The following ANO7 variants were observed in gnomAD, a reference collection of about 807,000 sequenced individuals.
ANO7 encodes the protein anoctamin 7, also known as anoctamin-7.
Under a neutral mutation model 115.8 loss-of-function variants are expected in ANO7, and 114 were observed. The ratio of observed to expected loss-of-function variants is 0.98; its 90% CI spans 0.85 to 1.15. The LOEUF (loss-of-function observed/expected upper bound fraction) is 1.15, where lower values mean the gene tolerates loss of function less well. ANO7 is among the 50% of genes most tolerant of loss of function. The probability of loss-of-function intolerance (pLI) is 0.00; values close to 1 mark genes in which losing one functional copy is unlikely to be tolerated. For missense variants in ANO7, 1,302 were observed against 1,201.2 expected (o/e 1.08, Z -1.24); for synonymous variants, 550 against 498.2 (o/e 1.10, Z -1.38).
downstream of ANO7, chr2:241,230,142 C>A: frequency 5.0e-6 from 8 of 1,607,056 alleles, no homozygotes; most frequent in Non-Finnish European, 6.8e-6. The surrounding 1 kb of genome is among the most constrained non-coding windows in gnomAD (Gnocchi z 5.0). Flanking sequence ...CCAAGGCCCA[C>A]AGAGACTCAC....
chr2:241,193,262 G>A (rs2068246792), intron 3 of ANO7, among the ~76,000 whole-genome samples: 1 of 152,036 alleles, frequency 6.6e-6, no homozygotes, highest in Non-Finnish European at 1.5e-5. Context: ...TAGAGACGGG[G>A]TTTCGCCATG....
Position 241,188,853 on chromosome 2 carries a change from G to T in ANO7, c.-8+87G>T. 1 of 1,510,838 alleles carries T rather than the reference G, an allele frequency of 6.6e-7. No individual in the cohort carries two copies. 93.6% of individuals were successfully genotyped at this position (1,510,838 alleles called of 1,614,324 possible). ...GGCAGGGCGGCACCCCAGCCCACCG[G>T]GACTTTCACACACCCTGGCCTGTGG... On this transcript the variant is annotated intron_variant, in intron 1 of 24. Coordinates refer to ENST00000674324, the MANE Select transcript of ANO7 (RefSeq NM_001370694.2). The surrounding 1 kb of genome is among the most constrained non-coding windows in gnomAD (Gnocchi z 4.3).
downstream of ANO7, among the ~76,000 whole-genome samples, chr2:241,226,581 C>A (rs1319788236): frequency 6.6e-6 from 1 of 152,114 alleles, no homozygotes; most frequent in Non-Finnish European, 1.5e-5. Flanking sequence ...CCCGCCACCA[C>A]ACCCAGCTAA....
rs954081997 is a variant in ANO7 at position 241,208,925 on chromosome 2, G to A, written c.1078-360G>A. ...AGCACTTTGGGAGGCCAAGGCGGGT[G>A]GATCACAAGGTCAGAAGATCGAGAC... is the stretch of plus-strand genomic sequence containing the variant. On this transcript the variant is annotated intron_variant, in intron 11 of 24. Coordinates refer to ENST00000674324, the MANE Select transcript of ANO7 (RefSeq NM_001370694.2). Among the ~76,000 whole-genome samples, 34 of 152,172 alleles carry A rather than the reference G, an allele frequency of 2.2e-4. 1 individual carries two copies. The highest frequency in any genetic ancestry group is 1.2e-3 in the Admixed American group (19 of 15,294).
At chr2:241,216,015 A>T in intron 18 of ANO7, 78 bp from the exon 19 acceptor site, 2 of 1,505,262 alleles carry the variant, frequency 1.3e-6, no homozygotes, top group Non-Finnish European at 8.9e-7. Context: ...TGTCCCGGCC[A>T]CATCTCCCCC....
downstream of ANO7, chr2:241,229,429 T>G: frequency 1.7e-6 from 1 of 574,774 alleles, no homozygotes; most frequent in Non-Finnish European, 3.1e-6. Context: ...CGGCCAGGCC[T>G]GGAGGAGCGG....
intron 18 of ANO7, 150 bp downstream of exon 18, chr2:241,215,052 C>T (rs534863136): frequency 2.2e-5 from 16 of 736,584 alleles, no homozygotes; most frequent in East Asian, 5.7e-5. Flanking sequence ...TGTGCCCGGC[C>T]GTCTGCCCCG....
chr2:241,200,289 G>C, intron 6 of ANO7, 64 bp downstream of exon 6: 4 of 1,566,856 alleles, frequency 2.6e-6, no homozygotes. Context: ...GTGAATGAGT[G>C]AGCGGAACTT....
At chr2:241,207,910 A>AC (rs974873120) in intron 11 of ANO7, among the ~76,000 whole-genome samples, 9 of 151,922 alleles carry the variant, frequency 5.9e-5, no homozygotes, top group Non-Finnish European at 8.8e-5. Flanking sequence ...ACTTGAGGAC[A>AC]CCCCACACCA....
chr2:241,231,915 C>G, the ANO7 span, among the ~76,000 whole-genome samples: 1 of 151,740 alleles, frequency 6.6e-6, no homozygotes, highest in Admixed American at 6.6e-5. Flanking sequence ...CATCACGCAA[C>G]AGGACTAGAG....
the ANO7 span, chr2:241,240,022 G>C: frequency 6.2e-7 from 1 of 1,614,212 alleles, no homozygotes; most frequent in South Asian, 1.1e-5. The surrounding 1 kb of genome is among the most constrained non-coding windows in gnomAD (Gnocchi z 5.5). Flanking sequence ...ACGTGCTCCA[G>C]TGCTGTCGCG....
chr2:241,202,770 C>A (rs573521013), intron 8 of ANO7, among the ~76,000 whole-genome samples: 1 of 152,350 alleles, frequency 6.6e-6, no homozygotes, highest in South Asian at 2.1e-4. Flanking sequence ...TTTATTCCCC[C>A]ACCCGCCCAA....
chr2:241,222,058 C>A (rs962297411), intron 21 of ANO7, among the ~76,000 whole-genome samples: 3 of 151,888 alleles, frequency 2.0e-5, no homozygotes, highest in African/African-American at 7.3e-5. Context: ...CACGGTGAAA[C>A]CCCGTCTTGA....
chr2:241,224,440 G>C lies in ANO7; in HGVS notation c.*287G>C. The stretch of plus-strand genomic sequence containing the variant: ...CTGCACCCAAGGGACCCTGTCCCTC[G>C]GTGGCCTCCCCAGGCCCCTGGACAC... On this transcript the variant is annotated 3_prime_UTR_variant, in exon 25 of 25. Transcript: ENST00000674324. The C allele has an allele frequency of 2.2e-6, 1 of 461,386 alleles. No individual in the cohort carries two copies. Among genetic ancestry groups the C allele is most frequent in the Non-Finnish European group, 4.0e-6 (1 of 251,884 alleles). The allele number at this position is 461,386 out of a possible 1,614,324, so 28.6% of individuals were successfully genotyped here. A position where few individuals can be genotyped will look rare whatever the true frequency, so the allele number is the denominator to read the frequency against.
intron 21 of ANO7, among the ~76,000 whole-genome samples, chr2:241,220,780 A>G (rs2068993001): frequency 6.6e-6 from 1 of 152,172 alleles, no homozygotes. Context: ...AGCCTGGGCA[A>G]CAGAGCAAGG....
the ANO7 span, chr2:241,239,725 C>G: frequency 6.2e-7 from 1 of 1,614,248 alleles, no homozygotes; most frequent in Non-Finnish European, 8.5e-7. The surrounding 1 kb of genome is among the most constrained non-coding windows in gnomAD (Gnocchi z 4.6). Context: ...CCCCGCCATA[C>G]TCTTCAGCAA....
chr2:241,195,683 C>T lies in ANO7; in HGVS notation c.167-20C>T, dbSNP rs2068308493. On this transcript the variant is annotated intron_variant, in intron 3 of 24. Coordinates refer to ENST00000674324, the MANE Select transcript of ANO7 (RefSeq NM_001370694.2). ...CTGCCACTTAGCCAGGCTCCTGCCTCTGTCCCTGTTGGCTCCCAGCAGACT... is the reference window on the plus strand; with the variant it reads ...CTGCCACTTAGCCAGGCTCCTGCCTTTGTCCCTGTTGGCTCCCAGCAGACT... 1 of 1,612,526 alleles carries T rather than the reference C, an allele frequency of 6.2e-7. No homozygotes were observed. The highest frequency in any genetic ancestry group is 8.5e-7 in the Non-Finnish European group (1 of 1,179,244).
chr2:241,234,996 T>C, the ANO7 span: 1 of 1,166,390 alleles, frequency 8.6e-7, no homozygotes, highest in Non-Finnish European at 1.2e-6. Flanking sequence ...TGGCACTGCC[T>C]GCATCTCACC....
At chr2:241,236,968 C>A in the ANO7 span, among the ~76,000 whole-genome samples, 1 of 66,422 alleles carries the variant, frequency 1.5e-5, no homozygotes, top group African/African-American at 6.6e-5. Flanking sequence ...AAAGAGGGCT[C>A]CCAGACCTTG....
Sources: allele counts gnomAD v4.1 joint callset (sites outside exome capture counted in the v4.1 genomes callset), GRCh38; gene constraint gnomAD v4.1.1; non-coding constraint Gnocchi (gnomAD v3.1); transcripts MANE v1.5; gene names NCBI Gene and HGNC (gene_info 2026-07-23, HGNC 2026-07-21).